HNF4A: variants seen among roughly 807,000 people sequenced by gnomAD.
The protein encoded by HNF4A is hepatocyte nuclear factor 4 alpha.
HNF4A carries 15 observed loss-of-function variants against 52.4 expected under a neutral mutation model. The observed-to-expected ratio is 0.29, with a 90% CI of 0.19 to 0.44. The LOEUF (loss-of-function observed/expected upper bound fraction) is 0.44. Ranked by LOEUF, HNF4A falls within the 20% of genes least tolerant of loss-of-function variation. The pLI, the probability that HNF4A is intolerant of heterozygous loss-of-function variation, is 1.00. For synonymous variants in HNF4A, 280 were observed against 264.4 expected, an observed-to-expected ratio of 1.06 and a Z score of -0.57; for missense variants, 479 against 647.2, an observed-to-expected ratio of 0.74 and a Z score of 2.82.
At position 44,361,877 on chromosome 20, in the gene HNF4A, G is replaced by A. The variant is rs367788788; in HGVS notation, c.49+6024G>A. On this transcript the variant is annotated intron_variant, in intron 1 of 9. Transcript: ENST00000316673. ...AAGGGGAAGGGGTCACAGACTTCTT[G>A]ACCTTGGAGGAGTAGACTGATATCT... Among the ~76,000 whole-genome samples, 12 of 152,268 alleles carry A rather than the reference G, an allele frequency of 7.9e-5. No individual in the cohort carries two copies. The East Asian group carries it at 2.1e-3, about 27-fold the overall frequency.
At chr20:44,358,755 C>T (rs73275344) in intron 1 of HNF4A, among the ~76,000 whole-genome samples, 445 of 152,250 alleles carry the variant, frequency 2.9e-3, no homozygotes, top group African/African-American at 0.01. Flanking sequence ...CATAGCAGAG[C>T]CTCAGTTAGA....
At chr20:44,390,412 C>A in intron 1 of HNF4A, 1 of 531,544 alleles carries the variant, frequency 1.9e-6, no homozygotes, top group East Asian at 3.0e-5. Context: ...CTCTAGGAGC[C>A]CCTTGCAGAG....
intron 1 of HNF4A, chr20:44,373,077 A>G (rs2063050298): frequency 6.6e-6 from 1 of 152,198 alleles, no homozygotes. Flanking sequence ...ATATCCTACC[A>G]CTGCGCTTTG....
chr20:44,401,641 C>A, intron 1 of HNF4A: 1 of 473,740 alleles, frequency 2.1e-6, no homozygotes, highest in Non-Finnish European at 2.8e-6. Flanking sequence ...CCAAGTGAAG[C>A]CCATGTGCCC....
chr20:44,376,153 T>A (rs1277143550), intron 1 of HNF4A, among the ~76,000 whole-genome samples: 1 of 152,132 alleles, frequency 6.6e-6, no homozygotes, highest in Non-Finnish European at 1.5e-5. Flanking sequence ...TAATCCTAGC[T>A]ACTCAGGAGG....
chr20:44,385,059 C>T (rs77165450), intron 1 of HNF4A, among the ~76,000 whole-genome samples: 801 of 34,856 alleles, frequency 0.023, 20 homozygotes, highest in African/African-American at 0.077. Context: ...ACTCTGTGAT[C>T]TTTTTTTTTT....
intron 1 of HNF4A, among the ~76,000 whole-genome samples, chr20:44,365,438 G>A (rs1022246414): frequency 2.0e-5 from 3 of 151,938 alleles, no homozygotes; most frequent in African/African-American, 2.4e-5. Context: ...CCAAAATGCC[G>A]GGATTACAGG....
At position 44,430,889 on chromosome 20, in the gene HNF4A, C is replaced by G. The variant is rs1257850177; in HGVS notation, c.*1224C>G. The G allele has an allele frequency of 6.6e-6, 1 of 152,238 alleles. No homozygotes were observed. Among genetic ancestry groups the G allele is most frequent in the Non-Finnish European group, 1.5e-5 (1 of 68,124 alleles). 9.4% of individuals were successfully genotyped at this position (152,238 alleles called of 1,614,324 possible). On this transcript the variant is annotated 3_prime_UTR_variant, in exon 10 of 10. Coordinates refer to ENST00000316099, the MANE Select transcript of HNF4A (RefSeq NM_000457.6). ...TCCAGGAGGAATAAGCTCCCAGGGC[C>G]TGTCTCAAGCTCTTCCTTACTCCCA...
rs572322677 is a variant in HNF4A at position 44,421,749 on chromosome 20, C to T, written c.892+1873C>T. Among the ~76,000 whole-genome samples the T allele has an allele frequency of 8.8e-5, 13 of 147,026 alleles. No homozygotes were observed. In the South Asian group the frequency reaches 2.8e-3, roughly 31 times the overall value. On this transcript the variant is annotated intron_variant, in intron 7 of 9. Transcript: ENST00000316099. ...AGCCTGGGCAACAAGAGCAAAACTT[C>T]ATCTCAAAAAAATACATATATGTGT...
At position 44,428,440 on chromosome 20, in the gene HNF4A, T is replaced by C; in HGVS notation, c.1235T>C (p.Leu412Pro). Reference sequence around the variant, plus strand: ...GTTGCCAACACAATGCCCACTCACCTCAGCAACGGACAGATGTGTGAGTGG... The same window carrying C: ...GTTGCCAACACAATGCCCACTCACCCCAGCAACGGACAGATGTGTGAGTGG... The change falls in exon 9 of 10, where the codon CTC becomes CCC. Residue 412 changes from leucine to proline, a missense_variant. Transcript: ENST00000316099. The C allele has an allele frequency of 1.2e-6, 2 of 1,614,094 alleles. No individual in the cohort carries two copies. The highest frequency in any genetic ancestry group is 1.1e-5 in the South Asian group (1 of 91,072).
At chr20:44,414,831 T>A (rs888114168) in intron 5 of HNF4A, among the ~76,000 whole-genome samples, 169 bp downstream of exon 5, 6 of 152,194 alleles carry the variant, frequency 3.9e-5, no homozygotes, top group African/African-American at 1.4e-4. Context: ...AAATATTAAC[T>A]CAGTTAGCTC....
intron 4 of HNF4A, 106 bp downstream of exon 4, chr20:44,413,906 A>AG: frequency 1.3e-6 from 1 of 769,652 alleles, no homozygotes; most frequent in South Asian, 1.5e-5. Context: ...AGCTGACGGG[A>AG]GGGGCCTCAG....
At position 44,429,629 on chromosome 20, in the gene HNF4A, C is replaced by A. The variant is rs974515336; in HGVS notation, c.1389C>A (p.Ile463=). The A allele has an allele frequency of 2.5e-6, 4 of 1,613,960 alleles. No individual in the cohort carries two copies. In the African/African-American group the frequency reaches 5.3e-5, roughly 22 times the overall value. The change falls in exon 10 of 10, where the codon ATC becomes ATA. Residue 463 remains isoleucine, a synonymous_variant. Transcript: ENST00000316099. ...CAATCGTCAAGCCCCTCTCTGCCATCCCCCAGCCGACCATCACCAAGCAGG... is the reference window on the plus strand; with the variant it reads ...CAATCGTCAAGCCCCTCTCTGCCATACCCCAGCCGACCATCACCAAGCAGG...
At position 44,430,091 on chromosome 20, in the gene HNF4A, G is replaced by T; in HGVS notation, c.*426G>T. The T allele has an allele frequency of 6.0e-6, 1 of 166,170 alleles. No individual in the cohort carries two copies. Among genetic ancestry groups the T allele is most frequent in the Non-Finnish European group, 1.3e-5 (1 of 77,364 alleles). 10.3% of individuals were successfully genotyped at this position (166,170 alleles called of 1,614,324 possible). A position where few individuals can be genotyped will look rare whatever the true frequency, so the allele number is the denominator to read the frequency against. ...GTCCAGACAGAGCCCTGTGAGGCTGGGTCCAATTGTGGCACTTGGGGCACC... is the reference window on the plus strand; with the variant it reads ...GTCCAGACAGAGCCCTGTGAGGCTGTGTCCAATTGTGGCACTTGGGGCACC... On this transcript the variant is annotated 3_prime_UTR_variant, in exon 10 of 10. Transcript: ENST00000316099.
At chr20:44,379,978 C>T (rs778036950) in intron 1 of HNF4A, among the ~76,000 whole-genome samples, 25 of 152,198 alleles carry the variant, frequency 1.6e-4, no homozygotes, top group African/African-American at 3.9e-4. Flanking sequence ...GTGATCCGCC[C>T]GCCTTGGCCT....
At chr20:44,414,414 C>A in intron 4 of HNF4A, 93 bp from the exon 5 acceptor site, 2 of 1,573,822 alleles carry the variant, frequency 1.3e-6, no homozygotes, top group Non-Finnish European at 1.7e-6. Context: ...CCCCTCCCCA[C>A]ATCTGATTCC....
chr20:44,411,950 G>A (rs1339030850), intron 3 of HNF4A, among the ~76,000 whole-genome samples: 2 of 151,812 alleles, frequency 1.3e-5, no homozygotes, highest in Non-Finnish European at 2.9e-5. Context: ...CCAGCTATTC[G>A]GGAGGCTGAG....
At chr20:44,418,921 G>A (rs768807857) in intron 6 of HNF4A, among the ~76,000 whole-genome samples, 16 of 152,076 alleles carry the variant, frequency 1.1e-4, no homozygotes, top group South Asian at 6.2e-4. Flanking sequence ...GACCACAGGC[G>A]TGCACCACCA....
At chr20:44,358,177 T>C (rs1380994240) in intron 1 of HNF4A, among the ~76,000 whole-genome samples, 10 of 145,496 alleles carry the variant, frequency 6.9e-5, no homozygotes, top group African/African-American at 2.6e-4. Context: ...GTGAGTCAAA[T>C]CATTACCCCT....
Sources: gnomAD v4.1 joint callset for allele counts (sites outside exome capture counted in the v4.1 genomes callset) on GRCh38, gnomAD v4.1.1 for gene constraint, MANE v1.5 for transcripts, NCBI Gene and HGNC (gene_info 2026-07-23, HGNC 2026-07-21) for gene names.